The following TRAF3 variants were observed in gnomAD, a reference collection of about 807,000 sequenced individuals.
TRAF3 encodes TNF receptor associated factor 3.
A neutral mutation model predicts 62.3 loss-of-function variants in TRAF3; 13 were observed. The ratio of observed to expected loss-of-function variants is 0.21; its 90% CI spans 0.14 to 0.33. The LOEUF (loss-of-function observed/expected upper bound fraction) is 0.33, where lower values mean the gene tolerates loss of function less well. Among genes scored for constraint, TRAF3 ranks in the 10% least tolerant of loss-of-function variants. TRAF3 has a pLI of 1.00. For missense variants in TRAF3, 440 were observed against 741.8 expected, an observed-to-expected ratio of 0.59 and a Z score of 4.73; for synonymous variants, 269 against 283.4, an observed-to-expected ratio of 0.95 and a Z score of 0.51.
rs536339600 is a variant in TRAF3, at chr14:102,890,967, A to T, written c.727-358A>T. ...CACTTATGCTATATTTTAATGGGAA[A>T]AATAGCTTATAATAGGTCAAGAATG... On this transcript the variant is annotated intron_variant, in intron 8 of 11. Coordinates refer to ENST00000392745, the MANE Select transcript of TRAF3 (RefSeq NM_145725.3). Among the ~76,000 whole-genome samples, 97 of 152,366 alleles carry T rather than the reference A, an allele frequency of 6.4e-4. 1 individual carries two copies. Among genetic ancestry groups the T allele is most frequent in the African/African-American group, 2.3e-3 (94 of 41,586 alleles).
At chr14:102,865,700 T>G (rs1420961183) in intron 2 of TRAF3, among the ~76,000 whole-genome samples, 2 of 152,172 alleles carry the variant, frequency 1.3e-5, no homozygotes, top group African/African-American at 4.8e-5. Context: ...GGTTTCACCA[T>G]GTTGGCCAGG....
rs1890715094 is a variant in TRAF3, at chr14:102,908,761, C to G, written c.*2977C>G. ...GCATGAATTAAGCCGGTCTGCTTCC[C>G]CGTCACCTTCGTAACAAAACAACGT... On this transcript the variant is annotated 3_prime_UTR_variant, in exon 12 of 12. Transcript: ENST00000392745. 6.6e-6 allele frequency: 1 copy of G among 152,368 alleles called. No homozygotes were observed. The highest frequency in any genetic ancestry group is 1.5e-5 in the Non-Finnish European group (1 of 68,140). The allele number at this position is 152,368 out of a possible 1,614,324, so 9.4% of individuals were successfully genotyped here. A position where few individuals can be genotyped will look rare whatever the true frequency, so the allele number is the denominator to read the frequency against.
intron 10 of TRAF3, among the ~76,000 whole-genome samples, chr14:102,898,858 G>C (rs913733259): frequency 6.6e-6 from 1 of 152,218 alleles, no homozygotes; most frequent in Non-Finnish European, 1.5e-5. Flanking sequence ...AACCAATGAA[G>C]CATAAGTCAG....
rs1302369674 is a variant in TRAF3, at chr14:102,911,035, C to T, written c.*5251C>T. 2.0e-5 allele frequency: 3 copies of T among 152,220 alleles called. No homozygotes were observed. Among genetic ancestry groups the T allele is most frequent in the South Asian group, 2.1e-4 (1 of 4,830 alleles). 9.4% of individuals were successfully genotyped at this position (152,220 alleles called of 1,614,324 possible). On this transcript the variant is annotated 3_prime_UTR_variant, in exon 12 of 12. Coordinates refer to ENST00000392745, the MANE Select transcript of TRAF3 (RefSeq NM_145725.3). ...TGCAGATTCGCAGCCTCTTCTCTGC[C>T]GGTGCCTCTGTTCGGTTCTGTTACC...
At position 102,841,914 on chromosome 14, in the gene TRAF3, T is replaced by A. The variant is rs534167690; in HGVS notation, c.-18+11442T>A. Among the ~76,000 whole-genome samples, 20 of 152,014 alleles carry A rather than the reference T, an allele frequency of 1.3e-4. No individual in the cohort carries two copies. In the South Asian group the frequency reaches 4.0e-3, roughly 30 times the overall value. On this transcript the variant is annotated intron_variant, in intron 2 of 11. Transcript: ENST00000392745. ...GTGAAATGAAAGACTCAAAAAAGAT[T>A]GAAATAAAACTTCCAGAGATGAAAA...
chr14:102,849,704 C>T (rs1278695485), intron 2 of TRAF3, among the ~76,000 whole-genome samples: 1 of 152,198 alleles, frequency 6.6e-6, no homozygotes, highest in Non-Finnish European at 1.5e-5. Flanking sequence ...GTTACTTGCC[C>T]AGGATGCTGA....
At chr14:102,870,620 G>C (rs769956262) in intron 3 of TRAF3, among the ~76,000 whole-genome samples, 174 bp downstream of exon 3, 1 of 152,178 alleles carries the variant, frequency 6.6e-6, no homozygotes, top group Non-Finnish European at 1.5e-5. Flanking sequence ...GGGATCCCAC[G>C]TGTGGGTTTA....
chr14:102,824,543 G>A (rs890617198), intron 1 of TRAF3, among the ~76,000 whole-genome samples: 2 of 152,214 alleles, frequency 1.3e-5, no homozygotes, highest in Non-Finnish European at 2.9e-5. Flanking sequence ...CGATTACTTG[G>A]ATTTTTTCTT....
At position 102,897,881 on chromosome 14, in the gene TRAF3, C is replaced by T. The variant is rs187454551; in HGVS notation, c.960+480C>T. ...CACACGCACCTCCAGAAGAACAAACCAGTGAACCTTTGCTCCCCTGAATAG... is the reference window on the plus strand; with the variant it reads ...CACACGCACCTCCAGAAGAACAAACTAGTGAACCTTTGCTCCCCTGAATAG... On this transcript the variant is annotated intron_variant, in intron 10 of 11. Transcript: ENST00000392745. 4.9e-3 allele frequency among the ~76,000 whole-genome samples: 743 copies of T among 152,360 alleles called. 2 individuals carry two copies. The highest frequency in any genetic ancestry group is 7.2e-3 in the Non-Finnish European group (492 of 68,030).
rs761576740 is a variant in TRAF3, at chr14:102,876,394, C to T, written c.439C>T (p.Pro147Ser). 1 of 1,614,198 alleles carries T rather than the reference C, an allele frequency of 6.2e-7. No individual in the cohort carries two copies. The highest frequency in any genetic ancestry group is 8.5e-7 in the Non-Finnish European group (1 of 1,180,040). Residue 147 changes from proline to serine, a missense_variant, in exon 6 of 12, where the codon CCA becomes TCA. By Grantham distance (74) the Pro-to-Ser change is moderately conservative. This residue lies in a region of TRAF3 where 255 missense variants were observed against 424.1 expected (regional missense o/e 0.60). Coordinates refer to ENST00000392745, the MANE Select transcript of TRAF3 (RefSeq NM_145725.3). Reference sequence around the variant, plus strand: ...AAATGATTGCCATTTTGAAGAACTTCCATGTGTGCGTCCTGACTGCAAAGA... The same window carrying T: ...AAATGATTGCCATTTTGAAGAACTTTCATGTGTGCGTCCTGACTGCAAAGA... ...LKNDCHFEEL[P>S]CVRPDCKEKV...
chr14:102,889,449 C>T (rs1285396071), intron 7 of TRAF3, 111 bp from the exon 8 acceptor site: 9 of 1,108,622 alleles, frequency 8.1e-6, no homozygotes, highest in African/African-American at 4.6e-5. Context: ...ACACCTGTAG[C>T]GATAAACACC....
At chr14:102,832,396 G>A (rs576588387) in intron 2 of TRAF3, among the ~76,000 whole-genome samples, 7 of 152,266 alleles carry the variant, frequency 4.6e-5, no homozygotes, top group African/African-American at 1.4e-4. Context: ...AGCACTGGCC[G>A]GGCGTGGTGG....
intron 2 of TRAF3, among the ~76,000 whole-genome samples, chr14:102,843,755 C>T (rs1886522887): frequency 6.6e-6 from 1 of 152,022 alleles, no homozygotes; most frequent in Admixed American, 6.5e-5. Context: ...CTACAGTGAG[C>T]TATGATCACA....
Position 102,834,674 on chromosome 14 carries a change from C to G in TRAF3, c.-18+4202C>G, listed in dbSNP as rs1350031290. 9.8e-5 allele frequency among the ~76,000 whole-genome samples: 12 copies of G among 122,314 alleles called. No individual in the cohort carries two copies. The South Asian group carries it at 2.8e-3, about 28-fold the overall frequency. 80.2% of individuals were successfully genotyped at this position (122,314 alleles called of 152,430 possible). A position where few individuals can be genotyped will look rare whatever the true frequency, so the allele number is the denominator to read the frequency against. ...CTGCACTCCAGCCTGGGTGACAGAG[C>G]GAGACTCCGTCTCAAAAAAAAAAAA... On this transcript the variant is annotated intron_variant, in intron 2 of 11. Transcript: ENST00000392745.
At chr14:102,802,788 A>T (rs1447483424) in intron 1 of TRAF3, among the ~76,000 whole-genome samples, 1 of 152,136 alleles carries the variant, frequency 6.6e-6, no homozygotes, top group East Asian at 1.9e-4. Flanking sequence ...AGATCGTGCC[A>T]CTGCACTCTA....
intron 2 of TRAF3, among the ~76,000 whole-genome samples, chr14:102,846,674 G>T (rs1458165075): frequency 2.1e-5 from 3 of 143,340 alleles, no homozygotes; most frequent in African/African-American, 8.2e-5. Flanking sequence ...AAATTTTCCG[G>T]ACACGGTGGC....
chr14:102,886,173 C>T lies in TRAF3; in HGVS notation c.571-16C>T. 1 of 1,612,624 alleles carries T rather than the reference C, an allele frequency of 6.2e-7. No homozygotes were observed. The highest frequency in any genetic ancestry group is 8.5e-7 in the Non-Finnish European group (1 of 1,179,108). On this transcript the variant is annotated splice_polypyrimidine_tract_variant and intron_variant, in intron 6 of 11. Transcript: ENST00000392745. ...GGTTGTGTGTTTAAAGTTGATAGTACTTTCTCTCTCTGTAGAAACACGAAG... is the reference window on the plus strand; with the variant it reads ...GGTTGTGTGTTTAAAGTTGATAGTATTTTCTCTCTCTGTAGAAACACGAAG...
intron 2 of TRAF3, among the ~76,000 whole-genome samples, chr14:102,850,108 G>C (rs1035025992): frequency 3.9e-5 from 6 of 152,230 alleles, no homozygotes; most frequent in African/African-American, 1.4e-4. Flanking sequence ...TAAAATCATG[G>C]AACTGGGGAA....
intron 1 of TRAF3, among the ~76,000 whole-genome samples, chr14:102,791,918 T>A (rs1019144835): frequency 2.0e-4 from 31 of 151,896 alleles, no homozygotes; most frequent in Non-Finnish European, 4.1e-4. Context: ...GCTCAAGCGA[T>A]CCTCTCACCT....
Sources: gnomAD v4.1 joint callset for allele counts (sites outside exome capture counted in the v4.1 genomes callset) on GRCh38, gnomAD v4.1.1 for gene constraint, gnomAD v4.1.1 regional missense constraint, MANE v1.5 for transcripts, NCBI Gene and HGNC (gene_info 2026-07-23, HGNC 2026-07-21) for gene names.